The following ABTB3 variants were observed in gnomAD, a reference collection of about 807,000 sequenced individuals.
ABTB3 encodes the protein ankyrin repeat- and BTB/POZ domain-containing protein 3.
the ABTB3 span, among the ~76,000 whole-genome samples, chr12:107,478,066 C>T: frequency 6.6e-6 from 1 of 152,196 alleles, no homozygotes; most frequent in East Asian, 1.9e-4. Flanking sequence ...TCCAACCTTG[C>T]ATTAAATGGT....
the ABTB3 span, among the ~76,000 whole-genome samples, chr12:107,375,422 A>AATC: frequency 0.067 from 10,005 of 148,312 alleles, 567 homozygotes; most frequent in East Asian, 0.25. Flanking sequence ...TGGTGTCAGA[A>AATC]ATCATCATCA....
At chr12:107,526,570 C>T in the ABTB3 span, among the ~76,000 whole-genome samples, 1 of 152,040 alleles carries the variant, frequency 6.6e-6, no homozygotes, top group Non-Finnish European at 1.5e-5. Flanking sequence ...CAGCCTTGCC[C>T]CCAAGCTCCC....
the ABTB3 span, chr12:107,580,778 G>A: frequency 1.4e-6 from 2 of 1,458,792 alleles, no homozygotes; most frequent in South Asian, 1.4e-5. Context: ...TTGGTTTTCC[G>A]CCGCTCCAGA....
chr12:107,334,527 C>T, the ABTB3 span, among the ~76,000 whole-genome samples: 1 of 152,130 alleles, frequency 6.6e-6, no homozygotes, highest in East Asian at 1.9e-4. Flanking sequence ...GCAGGAAAAT[C>T]AGGACTCCAG....
chr12:107,637,361 C>T, the ABTB3 span, among the ~76,000 whole-genome samples: 8 of 152,168 alleles, frequency 5.3e-5, no homozygotes, highest in Admixed American at 5.2e-4. Context: ...CACTGCACTC[C>T]AGCCTGGGCA....
the ABTB3 span, among the ~76,000 whole-genome samples, chr12:107,600,303 A>G: frequency 2.0e-5 from 3 of 152,196 alleles, no homozygotes; most frequent in African/African-American, 7.2e-5. Flanking sequence ...AATGAGCACA[A>G]CAGTCCACAG....
the ABTB3 span, among the ~76,000 whole-genome samples, chr12:107,432,373 G>T: frequency 6.6e-6 from 1 of 152,190 alleles, no homozygotes; most frequent in Non-Finnish European, 1.5e-5. Context: ...TCACCATAAA[G>T]TTATTGAGTC....
chr12:107,630,614 A>G, the ABTB3 span, among the ~76,000 whole-genome samples: 1 of 152,030 alleles, frequency 6.6e-6, no homozygotes, highest in Non-Finnish European at 1.5e-5. Context: ...CAATTAAAAA[A>G]AAAAAAATTT....
At chr12:107,582,531 A>G in the ABTB3 span, among the ~76,000 whole-genome samples, 2 of 152,236 alleles carry the variant, frequency 1.3e-5, no homozygotes, top group Non-Finnish European at 2.9e-5. Context: ...GTCACCTACA[A>G]TAACAGCCCA....
At chr12:107,630,815 C>T in the ABTB3 span, among the ~76,000 whole-genome samples, 3 of 152,134 alleles carry the variant, frequency 2.0e-5, no homozygotes, top group Non-Finnish European at 4.4e-5. Flanking sequence ...TTCCCATATA[C>T]CCCCTCACTC....
At chr12:107,537,466 T>TG in the ABTB3 span, among the ~76,000 whole-genome samples, 3 of 152,168 alleles carry the variant, frequency 2.0e-5, no homozygotes, top group Non-Finnish European at 4.4e-5. Flanking sequence ...ATTATATACA[T>TG]GTATCAAAAT....
At chr12:107,451,560 C>A in the ABTB3 span, among the ~76,000 whole-genome samples, 5 of 152,180 alleles carry the variant, frequency 3.3e-5, no homozygotes, top group Admixed American at 6.5e-5. Flanking sequence ...GGAGGTTTCC[C>A]ACTGACCTCG....
At chr12:107,581,259 C>G in the ABTB3 span, 1 of 1,512,714 alleles carries the variant, frequency 6.6e-7, no homozygotes, top group African/African-American at 1.4e-5. Context: ...CGCCAGGCGG[C>G]CCGGCTGCTG....
the ABTB3 span, among the ~76,000 whole-genome samples, chr12:107,477,611 A>G: frequency 6.6e-6 from 1 of 152,176 alleles, no homozygotes; most frequent in Non-Finnish European, 1.5e-5. Flanking sequence ...GCATTGTTTT[A>G]TTTTATGCTA....
At chr12:107,377,586 G>A in the ABTB3 span, among the ~76,000 whole-genome samples, 1 of 152,182 alleles carries the variant, frequency 6.6e-6, no homozygotes, top group Admixed American at 6.5e-5. Flanking sequence ...CCATGTGCTT[G>A]GAGGTGACTG....
the ABTB3 span, among the ~76,000 whole-genome samples, chr12:107,643,181 G>T: frequency 6.6e-6 from 1 of 151,980 alleles, no homozygotes; most frequent in Non-Finnish European, 1.5e-5. Context: ...TGAGGTGGGA[G>T]GATCACTTAA....
At chr12:107,523,751 G>A in the ABTB3 span, among the ~76,000 whole-genome samples, 1 of 152,168 alleles carries the variant, frequency 6.6e-6, no homozygotes, top group South Asian at 2.1e-4. Flanking sequence ...GGTCCAAGCA[G>A]CACTCTTGGA....
chr12:107,323,911 GC>G, the ABTB3 span, among the ~76,000 whole-genome samples: 5 of 152,124 alleles, frequency 3.3e-5, no homozygotes, highest in Non-Finnish European at 7.4e-5. Context: ...TTTAAAATTT[GC>G]CTATCACCTG....
chr12:107,428,683 C>A, the ABTB3 span, among the ~76,000 whole-genome samples: 1 of 152,236 alleles, frequency 6.6e-6, no homozygotes, highest in Admixed American at 6.5e-5. Context: ...CCTTCCAGAT[C>A]AAAAACTTAC....
Sources: allele counts gnomAD v4.1 joint callset (sites outside exome capture counted in the v4.1 genomes callset), GRCh38; gene constraint gnomAD v4.1.1; transcripts MANE v1.5; gene names NCBI Gene and HGNC (gene_info 2026-07-23, HGNC 2026-07-21).